RSRC1: variants seen among roughly 807,000 people sequenced by gnomAD.
The protein encoded by RSRC1 is arginine and serine rich coiled-coil 1, also known as serine/Arginine-related protein 53.
In RSRC1, 39 loss-of-function variants were observed where a neutral mutation model predicts 49.1. That is an observed-to-expected ratio of 0.79 (90% CI 0.61 to 1.04). The LOEUF is 1.04. Ranked by LOEUF, RSRC1 falls within the 50% of genes least tolerant of loss-of-function variation. The pLI, the probability that RSRC1 is intolerant of heterozygous loss-of-function variation, is 0.00. For synonymous variants in RSRC1, 143 were observed against 130.8 expected, an observed-to-expected ratio of 1.09 and a Z score of -0.63; for missense variants, 388 against 402.4, an observed-to-expected ratio of 0.96 and a Z score of 0.31.
At position 158,129,270 on chromosome 3, in the gene RSRC1, A is replaced by G. The variant is rs144616801; in HGVS notation, c.320+5279A>G. Among the ~76,000 whole-genome samples, 626 of 142,984 alleles carry G rather than the reference A, an allele frequency of 4.4e-3. 5 individuals are homozygous for G. The highest frequency in any genetic ancestry group is 0.015 in the African/African-American group (589 of 38,810). 93.8% of individuals were successfully genotyped at this position (142,984 alleles called of 152,430 possible). On this transcript the variant is annotated intron_variant, in intron 3 of 9. Transcript: ENST00000611884. ...AATTATTTTCTTCATACGGAGATCT[A>G]GGAACATTTCTTTCTTTCTTTTTTT...
At chr3:158,536,834 A>G (rs1429918226) in intron 7 of RSRC1, among the ~76,000 whole-genome samples, 1 of 151,588 alleles carries the variant, frequency 6.6e-6, no homozygotes, top group Non-Finnish European at 1.5e-5. Flanking sequence ...GCTAAAGTTT[A>G]AGAAAAAGTC....
At chr3:158,354,354 A>AG (rs1278504598) in intron 5 of RSRC1, among the ~76,000 whole-genome samples, 1 of 152,202 alleles carries the variant, frequency 6.6e-6, no homozygotes, top group African/African-American at 2.4e-5. Context: ...AAGCAATTTT[A>AG]GGACAGTTCA....
intron 6 of RSRC1, among the ~76,000 whole-genome samples, chr3:158,424,949 G>A (rs113857786): frequency 0.21 from 31,170 of 149,388 alleles, 3,541 homozygotes; most frequent in Non-Finnish European, 0.28. Flanking sequence ...TTTTTATTGC[G>A]TCTATTTGAT....
chr3:158,209,861 G>T (rs1730100), intron 4 of RSRC1, among the ~76,000 whole-genome samples: 86,872 of 152,004 alleles, frequency 0.57, 25,196 homozygotes, highest in East Asian at 0.73. Flanking sequence ...GTGTGAATAA[G>T]AAAACTAGTA....
intron 6 of RSRC1, among the ~76,000 whole-genome samples, chr3:158,400,241 A>C (rs1437471618): frequency 1.3e-5 from 2 of 152,086 alleles, no homozygotes; most frequent in Non-Finnish European, 1.5e-5. Flanking sequence ...AATTCAGTAC[A>C]TTATGTGTTT....
intron 7 of RSRC1, among the ~76,000 whole-genome samples, chr3:158,530,523 GA>G (rs1391624907): frequency 2.6e-5 from 4 of 151,482 alleles, no homozygotes; most frequent in African/African-American, 9.7e-5. Context: ...CATGAAGGAA[GA>G]AACTCTCATT....
intron 7 of RSRC1, among the ~76,000 whole-genome samples, chr3:158,523,886 T>C (rs897790460): frequency 3.3e-5 from 5 of 152,096 alleles, no homozygotes; most frequent in African/African-American, 9.7e-5. Flanking sequence ...ATAAGTATTG[T>C]TCTTTGGCCC....
At chr3:158,126,329 T>G (rs1715626682) in intron 3 of RSRC1, among the ~76,000 whole-genome samples, 1 of 152,130 alleles carries the variant, frequency 6.6e-6, no homozygotes, top group African/African-American at 2.4e-5. Context: ...TTTTGTTGAT[T>G]TTTGTATTGA....
chr3:158,215,305 T>G (rs1034073152), intron 4 of RSRC1, among the ~76,000 whole-genome samples: 1 of 151,300 alleles, frequency 6.6e-6, no homozygotes, highest in African/African-American at 2.4e-5. Context: ...ATAGTTTTTT[T>G]TTTTTTTTTT....
chr3:158,286,907 A>G lies in RSRC1; in HGVS notation c.495-11132A>G, dbSNP rs373713955. Among the ~76,000 whole-genome samples, 11 of 152,266 alleles carry G rather than the reference A, an allele frequency of 7.2e-5. 1 individual carries two copies. Among genetic ancestry groups the G allele is most frequent in the South Asian group, 4.1e-4 (2 of 4,824 alleles). ...AGTGGCACGATCTCAGCTCACTGCA[A>G]CCTCTGCCTCCTGGGTTCAAGTGAT... On this transcript the variant is annotated intron_variant, in intron 4 of 9. Transcript: ENST00000611884.
chr3:158,397,491 C>A (rs1216689336), intron 6 of RSRC1, among the ~76,000 whole-genome samples: 3 of 152,102 alleles, frequency 2.0e-5, no homozygotes, highest in Admixed American at 6.6e-5. Context: ...AGTGACTTAG[C>A]AGTACCCACC....
chr3:158,372,334 A>G (rs10936134), intron 6 of RSRC1, among the ~76,000 whole-genome samples: 79,211 of 151,624 alleles, frequency 0.52, 21,083 homozygotes, highest in African/African-American at 0.61. Flanking sequence ...TTTATATATG[A>G]TGAAGTATGG....
intron 7 of RSRC1, among the ~76,000 whole-genome samples, chr3:158,508,520 C>T (rs1739987477): frequency 6.6e-6 from 1 of 151,136 alleles, no homozygotes; most frequent in Admixed American, 6.6e-5. Flanking sequence ...TTTTTAAATG[C>T]ATATGTAGTC....
chr3:158,199,287 G>C lies in RSRC1; in HGVS notation c.321-3785G>C, dbSNP rs140581213. Among the ~76,000 whole-genome samples the C allele has an allele frequency of 3.2e-3, 489 of 151,908 alleles. 1 individual carries two copies. The highest frequency in any genetic ancestry group is 4.8e-3 in the Non-Finnish European group (326 of 67,988). ...TTCTTTTGTAAATTTCCCAGTCTCA[G>C]GTATGTCTTTATCAGCAGCGTGAAA... On this transcript the variant is annotated intron_variant, in intron 3 of 9. Coordinates refer to ENST00000611884, the MANE Select transcript of RSRC1 (RefSeq NM_001271838.2).
intron 7 of RSRC1, among the ~76,000 whole-genome samples, chr3:158,513,122 A>C (rs542687576): frequency 1.4e-4 from 20 of 147,856 alleles, no homozygotes; most frequent in African/African-American, 4.1e-4. Flanking sequence ...TCTCCTGCCT[A>C]ATTGCCCTGG....
chr3:158,506,453 ACT>A (rs1739864153), intron 7 of RSRC1, among the ~76,000 whole-genome samples: 2 of 152,010 alleles, frequency 1.3e-5, no homozygotes, highest in East Asian at 3.9e-4. Flanking sequence ...GTATTTAGAG[ACT>A]CTTATTGTAC....
intron 3 of RSRC1, among the ~76,000 whole-genome samples, chr3:158,131,834 A>G (rs1172213019): frequency 1.3e-5 from 2 of 152,200 alleles, no homozygotes; most frequent in African/African-American, 4.8e-5. Context: ...TTAATAATGT[A>G]TTAGAACAAG....
intron 4 of RSRC1, among the ~76,000 whole-genome samples, chr3:158,258,873 A>G (rs1382269293): frequency 6.6e-6 from 1 of 151,950 alleles, no homozygotes; most frequent in African/African-American, 2.4e-5. Flanking sequence ...TCATTTTTCA[A>G]TTCTAGATTT....
intron 4 of RSRC1, among the ~76,000 whole-genome samples, chr3:158,261,622 C>T (rs1352026712): frequency 6.6e-6 from 1 of 152,212 alleles, no homozygotes; most frequent in Non-Finnish European, 1.5e-5. Flanking sequence ...TTTACAGCCA[C>T]TCACCATCGC....
Sources: allele counts gnomAD v4.1 joint callset (sites outside exome capture counted in the v4.1 genomes callset), GRCh38; gene constraint gnomAD v4.1.1; transcripts MANE v1.5; gene names NCBI Gene and HGNC (gene_info 2026-07-23, HGNC 2026-07-21).